The following ARSJ variants were observed in gnomAD, a reference collection of about 807,000 sequenced individuals.
ARSJ encodes arylsulfatase family member J, also known as arylsulfatase J.
In ARSJ, 26 loss-of-function variants were observed where a neutral mutation model predicts 35.9. The ratio of observed to expected loss-of-function variants is 0.72; its 90% CI spans 0.53 to 1.00. ARSJ has a LOEUF of 1.00. Ranked by LOEUF, ARSJ falls within the 50% of genes least tolerant of loss-of-function variation. The pLI is 0.00. For synonymous variants in ARSJ, 294 were observed against 267.6 expected, an observed-to-expected ratio of 1.10 and a Z score of -0.96; for missense variants, 667 against 723.6, an observed-to-expected ratio of 0.92 and a Z score of 0.90.
chr4:113,929,820 C>A (rs1476788288), intron 1 of ARSJ, among the ~76,000 whole-genome samples: 2 of 152,092 alleles, frequency 1.3e-5, no homozygotes, highest in Non-Finnish European at 2.9e-5. Context: ...AACTTAGGAA[C>A]AATCAACCAG....
chr4:113,966,414 G>A (rs1299229298), intron 1 of ARSJ, among the ~76,000 whole-genome samples: 1 of 152,134 alleles, frequency 6.6e-6, no homozygotes, highest in South Asian at 2.1e-4. Flanking sequence ...GAAAAAAGTG[G>A]CTTGGGGAGG....
chr4:113,927,083 C>T (rs564668051), intron 1 of ARSJ, among the ~76,000 whole-genome samples: 11 of 152,232 alleles, frequency 7.2e-5, no homozygotes, highest in South Asian at 6.2e-4. Flanking sequence ...GGCAGCCTTT[C>T]GGGTCACTCA....
chr4:113,964,768 GAGCT>G (rs1726784707), intron 1 of ARSJ, among the ~76,000 whole-genome samples: 1 of 152,036 alleles, frequency 6.6e-6, no homozygotes, highest in African/African-American at 2.4e-5. Flanking sequence ...CTTCACCAGA[GAGCT>G]TATTGGAAAC....
chr4:113,969,566 A>G (rs916689647), intron 1 of ARSJ, among the ~76,000 whole-genome samples: 1 of 152,214 alleles, frequency 6.6e-6, no homozygotes, highest in African/African-American at 2.4e-5. Flanking sequence ...TGTTATGTCA[A>G]TTGATGAGTA....
intron 1 of ARSJ, among the ~76,000 whole-genome samples, chr4:113,911,439 G>A (rs1594391080): frequency 6.6e-6 from 1 of 152,148 alleles, no homozygotes; most frequent in Admixed American, 6.6e-5. Flanking sequence ...GATTGGAGTG[G>A]AACAAGACCT....
Position 113,978,443 on chromosome 4 carries a change from G to A in ARSJ, c.392C>T (p.Thr131Ile). The change falls in exon 1 of 2, where the codon ACT becomes ATT. Residue 131 changes from threonine to isoleucine, a missense_variant. Thr to Ile is a moderately conservative substitution (Grantham distance 89). Transcript: ENST00000315366. ...AAGAAGTAGGAACACTTACTTTCCA[G>A]TAATAAACTGACTCCTGGATGGTGT... Reference protein sequence around the residue: ...ICTPSRSQFITGKYQIHTGLQ... With the variant: ...ICTPSRSQFIIGKYQIHTGLQ... 1.3e-6 allele frequency: 2 copies of A among 1,596,312 alleles called. No individual in the cohort carries two copies. Among genetic ancestry groups the A allele is most frequent in the East Asian group, 4.5e-5 (2 of 44,730 alleles).
At chr4:113,945,890 C>A (rs1164420343) in intron 1 of ARSJ, among the ~76,000 whole-genome samples, 2 of 152,084 alleles carry the variant, frequency 1.3e-5, no homozygotes, top group Non-Finnish European at 2.9e-5. Context: ...TTTGAACCAA[C>A]AATCTTGGTT....
rs75678410 is a variant in ARSJ, at chr4:113,963,820, T to A, written c.398+14617A>T. Among the ~76,000 whole-genome samples, 2,052 of 152,196 alleles carry A rather than the reference T, an allele frequency of 0.013. 116 individuals are homozygous for A. The East Asian group carries it at 0.16, about 12-fold the overall frequency. On this transcript the variant is annotated intron_variant, in intron 1 of 1. Transcript: ENST00000315366. ...ACAAATTAGCCGATGAATAGTTTTC[T>A]TCCTTTTAGAATTTCTAAAGGTATA... is the stretch of plus-strand genomic sequence containing the variant.
intron 1 of ARSJ, among the ~76,000 whole-genome samples, chr4:113,969,458 T>G (rs1277388583): frequency 6.6e-6 from 1 of 152,200 alleles, no homozygotes; most frequent in African/African-American, 2.4e-5. Context: ...TTGTAAGGTT[T>G]TTATATGATT....
At chr4:113,969,642 A>G (rs1727118096) in intron 1 of ARSJ, among the ~76,000 whole-genome samples, 2 of 152,234 alleles carry the variant, frequency 1.3e-5, no homozygotes, top group Admixed American at 1.3e-4. Flanking sequence ...AAAACAATGC[A>G]TCTCAGAAAT....
intron 1 of ARSJ, among the ~76,000 whole-genome samples, chr4:113,925,997 T>A (rs946544166): frequency 1.3e-5 from 2 of 152,128 alleles, no homozygotes; most frequent in Non-Finnish European, 2.9e-5. Flanking sequence ...CCTGCCACCA[T>A]GGCCACTTTG....
intron 1 of ARSJ, among the ~76,000 whole-genome samples, chr4:113,946,603 G>C (rs1286133478): frequency 6.6e-6 from 1 of 150,376 alleles, no homozygotes; most frequent in Non-Finnish European, 1.5e-5. Context: ...ACGTCAGTAA[G>C]TATGATTTAT....
chr4:113,936,114 T>C (rs1323617044), intron 1 of ARSJ, among the ~76,000 whole-genome samples: 1 of 151,946 alleles, frequency 6.6e-6, no homozygotes, highest in African/African-American at 2.4e-5. Context: ...GCAGGGCCTT[T>C]TTTGGCATCT....
At position 113,978,519 on chromosome 4, in the gene ARSJ, G is replaced by C. The variant is rs745631279; in HGVS notation, c.316C>G (p.Leu106Val). Residue 106 changes from leucine (L) to valine (V), a missense_variant, in exon 1 of 2, where the codon CTC becomes GTC. Leu to Val is a conservative substitution (Grantham distance 32). Coordinates refer to ENST00000315366, the MANE Select transcript of ARSJ (RefSeq NM_024590.4). ...TCCAGTTTAACTCCTTCGGCAGCGAGCTTGTCAAGAGTAGGTGTTTTAATC... is the reference window on the plus strand; with the variant it reads ...TCCAGTTTAACTCCTTCGGCAGCGACCTTGTCAAGAGTAGGTGTTTTAATC... ...SEIKTPTLDKLAAEGVKLENY... is the reference protein window; with the variant it reads ...SEIKTPTLDKVAAEGVKLENY... 2 of 1,614,116 alleles carry C rather than the reference G, an allele frequency of 1.2e-6. No individual in the cohort carries two copies. The highest frequency in any genetic ancestry group is 1.7e-6 in the Non-Finnish European group (2 of 1,179,912).
intron 1 of ARSJ, among the ~76,000 whole-genome samples, chr4:113,904,191 A>G (rs528020659): frequency 6.6e-6 from 1 of 152,312 alleles, no homozygotes; most frequent in East Asian, 1.9e-4. Context: ...GGCCTCCCAA[A>G]GTGCTGCGAT....
chr4:113,965,780 C>T (rs534029506), intron 1 of ARSJ, among the ~76,000 whole-genome samples: 2 of 152,052 alleles, frequency 1.3e-5, no homozygotes, highest in African/African-American at 4.8e-5. Context: ...GACAGCCAAA[C>T]TAGGAACAAA....
chr4:113,936,783 T>C (rs1419103595), intron 1 of ARSJ, among the ~76,000 whole-genome samples: 1 of 151,898 alleles, frequency 6.6e-6, no homozygotes, highest in Non-Finnish European at 1.5e-5. Context: ...ATTTTTATTT[T>C]GGAACTCATA....
intron 1 of ARSJ, among the ~76,000 whole-genome samples, chr4:113,928,365 T>C (rs1724213505): frequency 6.6e-6 from 1 of 152,106 alleles, no homozygotes; most frequent in Non-Finnish European, 1.5e-5. Context: ...TTCAAGGGGT[T>C]TGGGGTCTGT....
intron 1 of ARSJ, among the ~76,000 whole-genome samples, chr4:113,920,342 GT>G (rs962719718): frequency 6.6e-6 from 1 of 152,120 alleles, no homozygotes; most frequent in African/African-American, 2.4e-5. Context: ...AACGGTAAAA[GT>G]AAAAATCATC....
Sources: gnomAD v4.1 joint callset for allele counts (sites outside exome capture counted in the v4.1 genomes callset) on GRCh38, gnomAD v4.1.1 for gene constraint, MANE v1.5 for transcripts, NCBI Gene and HGNC (gene_info 2026-07-23, HGNC 2026-07-21) for gene names.